Variants in SLC5A4 observed in about 807,000 individuals in gnomAD.
SLC5A4 encodes the protein probable glucose sensor protein SLC5A4.
In SLC5A4, 55 loss-of-function variants were observed where a neutral mutation model predicts 70.3. The ratio of observed to expected loss-of-function variants is 0.78; its 90% CI spans 0.63 to 0.98. The LOEUF is 0.98. SLC5A4 is among the 50% of genes least tolerant of loss of function. The pLI, the probability that SLC5A4 is intolerant of heterozygous loss-of-function variation, is 0.00. For missense variants in SLC5A4, 735 were observed against 839.2 expected (o/e 0.88, Z 1.53); for synonymous variants, 268 against 305.7 (o/e 0.88, Z 1.29).
chr22:32,354,266 G>C, the SLC5A4 span, among the ~76,000 whole-genome samples: 14 of 137,924 alleles, frequency 1.0e-4, no homozygotes, highest in Non-Finnish European at 1.5e-4. Context: ...TCTCAGTGTA[G>C]GCCCCAGAAA....
At chr22:32,221,915 G>A (rs189742152) in intron 13 of SLC5A4, among the ~76,000 whole-genome samples, 305 of 152,160 alleles carry the variant, frequency 2.0e-3, no homozygotes, top group African/African-American at 7.2e-3. Flanking sequence ...CACCATGCCC[G>A]GCTAATCTTT....
intron 5 of SLC5A4, among the ~76,000 whole-genome samples, chr22:32,246,799 A>C (rs576304621): frequency 5.6e-4 from 85 of 152,272 alleles, no homozygotes; most frequent in African/African-American, 2.0e-3. Flanking sequence ...AAGTGCTGGG[A>C]TTACAAGTGT....
the SLC5A4 span, chr22:32,277,227 C>A: frequency 1.3e-5 from 2 of 152,106 alleles, no homozygotes; most frequent in African/African-American, 2.4e-5. Context: ...AGAGAAGGGC[C>A]TATTAAGAAA....
At chr22:32,317,965 T>C in the SLC5A4 span, among the ~76,000 whole-genome samples, 1 of 152,200 alleles carries the variant, frequency 6.6e-6, no homozygotes, top group Admixed American at 6.5e-5. Context: ...TTTGCCCTTG[T>C]CAAGGTCACC....
At chr22:32,222,981 AT>A (rs1049677210) in intron 13 of SLC5A4, among the ~76,000 whole-genome samples, 6 of 151,752 alleles carry the variant, frequency 4.0e-5, no homozygotes, top group South Asian at 2.1e-4. Context: ...ATGCTCTAAG[AT>A]TTTTTTTTGT....
chr22:32,250,046 G>A (rs76562857), intron 3 of SLC5A4, among the ~76,000 whole-genome samples: 1 of 152,106 alleles, frequency 6.6e-6, no homozygotes, highest in Admixed American at 6.6e-5. Flanking sequence ...CACATAGTGG[G>A]GACTCAGGGA....
the SLC5A4 span, among the ~76,000 whole-genome samples, chr22:32,291,129 T>C: frequency 6.6e-6 from 1 of 152,122 alleles, no homozygotes; most frequent in African/African-American, 2.4e-5. Context: ...CCTCTCTGTG[T>C]TATGTTTATT....
the SLC5A4 span, chr22:32,270,885 A>G: frequency 1.8e-6 from 1 of 554,090 alleles, no homozygotes; most frequent in Non-Finnish European, 3.4e-6. Context: ...CATCAGCCCA[A>G]CGTGATCACG....
chr22:32,323,410 C>A, the SLC5A4 span, among the ~76,000 whole-genome samples: 2 of 152,206 alleles, frequency 1.3e-5, no homozygotes, highest in African/African-American at 4.8e-5. Flanking sequence ...TCTCTCTGTT[C>A]ATTGGATTCT....
At chr22:32,353,540 C>G in the SLC5A4 span, among the ~76,000 whole-genome samples, 1 of 151,896 alleles carries the variant, frequency 6.6e-6, no homozygotes, top group Non-Finnish European at 1.5e-5. Context: ...GAGGACCGCT[C>G]CTCTGACCAC....
At chr22:32,332,272 T>C in the SLC5A4 span, among the ~76,000 whole-genome samples, 1 of 152,166 alleles carries the variant, frequency 6.6e-6, no homozygotes, top group African/African-American at 2.4e-5. Flanking sequence ...TCAGACCTAC[T>C]TGCATCTGCC....
At chr22:32,338,294 G>A in the SLC5A4 span, among the ~76,000 whole-genome samples, 1 of 152,152 alleles carries the variant, frequency 6.6e-6, no homozygotes, top group East Asian at 1.9e-4. Context: ...AAATAAATGG[G>A]CAACTCACGA....
At chr22:32,244,751 A>T (rs1926725351) in intron 5 of SLC5A4, among the ~76,000 whole-genome samples, 1 of 152,090 alleles carries the variant, frequency 6.6e-6, no homozygotes. Context: ...GCAGGTCTGG[A>T]ACTCCTGGCC....
chr22:32,309,535 A>C, the SLC5A4 span, among the ~76,000 whole-genome samples: 1 of 152,086 alleles, frequency 6.6e-6, no homozygotes, highest in Non-Finnish European at 1.5e-5. Flanking sequence ...TCTCAGGGAC[A>C]CTCTACTCAT....
chr22:32,307,698 A>G, the SLC5A4 span, among the ~76,000 whole-genome samples: 1 of 152,196 alleles, frequency 6.6e-6, no homozygotes, highest in African/African-American at 2.4e-5. Flanking sequence ...ACAGCAAGGA[A>G]CTAGGGCACT....
At chr22:32,269,515 G>A in the SLC5A4 span, 92 of 599,034 alleles carry the variant, frequency 1.5e-4, no homozygotes, top group African/African-American at 1.6e-3. This position sits in a 1 kb window ranked among gnomAD's most constrained non-coding sequence, Gnocchi z 4.1. Flanking sequence ...CTGTGTGGCA[G>A]GACACGTGCT....
the SLC5A4 span, among the ~76,000 whole-genome samples, chr22:32,353,692 C>T: frequency 6.6e-6 from 1 of 151,998 alleles, no homozygotes; most frequent in Admixed American, 6.5e-5. Flanking sequence ...ATGGCGACCC[C>T]AACCTGCCCT....
the SLC5A4 span, among the ~76,000 whole-genome samples, chr22:32,291,848 G>A: frequency 7.3e-6 from 1 of 137,076 alleles, no homozygotes; most frequent in Non-Finnish European, 1.5e-5. Context: ...ATATATGTAT[G>A]TATATATATA....
the SLC5A4 span, chr22:32,271,879 C>A: frequency 1.7e-6 from 1 of 594,106 alleles, no homozygotes; most frequent in South Asian, 1.5e-5. Context: ...GTGTGGCTTA[C>A]CATGTGGAGT....
Sources: gnomAD v4.1 joint callset for allele counts (sites outside exome capture counted in the v4.1 genomes callset) on GRCh38, gnomAD v4.1.1 for gene constraint, Gnocchi (gnomAD v3.1) non-coding constraint, MANE v1.5 for transcripts, NCBI Gene and HGNC (gene_info 2026-07-23, HGNC 2026-07-21) for gene names.